Variants in PIK3R3 observed in about 807,000 individuals in gnomAD.
PIK3R3 encodes phosphoinositide-3-kinase regulatory subunit 3.
A neutral mutation model predicts 62.9 loss-of-function variants in PIK3R3; 64 were observed. The ratio of observed to expected loss-of-function variants is 1.02; its 90% CI spans 0.83 to 1.25. The LOEUF (loss-of-function observed/expected upper bound fraction) is 1.25, where lower values mean the gene tolerates loss of function less well. Among genes scored for constraint, PIK3R3 ranks in the 50% most tolerant of loss-of-function variants. The pLI is 0.00. For synonymous variants in PIK3R3, 165 were observed against 189.0 expected (o/e 0.87, Z 1.04); for missense variants, 614 against 561.6 (o/e 1.09, Z -0.94).
chr1:46,072,554 T>C (rs144882632), intron 3 of PIK3R3, among the ~76,000 whole-genome samples: 1 of 152,376 alleles, frequency 6.6e-6, no homozygotes, highest in East Asian at 1.9e-4. Context: ...AGTATATACA[T>C]ATAGCAGACT....
chr1:46,138,899 C>A, the PIK3R3 span: 2 of 152,220 alleles, frequency 1.3e-5, no homozygotes, highest in Non-Finnish European at 2.9e-5. Context: ...GCTCATCTTA[C>A]ACTTCTTGGA....
chr1:46,141,156 G>A, the PIK3R3 span, among the ~76,000 whole-genome samples: 1 of 147,428 alleles, frequency 6.8e-6, no homozygotes, highest in South Asian at 2.2e-4. Context: ...CACTGCACCT[G>A]GCCGATTTCT....
intron 1 of PIK3R3, among the ~76,000 whole-genome samples, chr1:46,096,944 AG>A (rs1229238841): frequency 6.6e-6 from 1 of 151,658 alleles, no homozygotes; most frequent in Non-Finnish European, 1.5e-5. Context: ...TCATTCTGTG[AG>A]GCCAGTCTTC....
the PIK3R3 span, among the ~76,000 whole-genome samples, chr1:46,161,820 C>T: frequency 3.3e-5 from 5 of 152,270 alleles, no homozygotes; most frequent in East Asian, 3.9e-4. Context: ...AGGCCAGGCA[C>T]GGTGGCTCAA....
chr1:46,139,994 T>C, the PIK3R3 span, among the ~76,000 whole-genome samples: 2 of 152,084 alleles, frequency 1.3e-5, no homozygotes, highest in East Asian at 1.9e-4. Flanking sequence ...TGAAATTTTT[T>C]TGAGGGACAA....
At chr1:46,156,857 A>G in the PIK3R3 span, among the ~76,000 whole-genome samples, 1 of 152,104 alleles carries the variant, frequency 6.6e-6, no homozygotes, top group Non-Finnish European at 1.5e-5. Context: ...ACTTGGACAA[A>G]CTGTCAGTTA....
chr1:46,123,197 C>G (rs1312395817), intron 1 of PIK3R3, among the ~76,000 whole-genome samples: 1 of 152,066 alleles, frequency 6.6e-6, no homozygotes, highest in Non-Finnish European at 1.5e-5. Flanking sequence ...GATTCCAAGT[C>G]AAAATAACAG....
At chr1:46,134,831 C>G (rs1474483446), upstream of PIK3R3, among the ~76,000 whole-genome samples, 2 of 152,154 alleles carry the variant, frequency 1.3e-5, no homozygotes, top group East Asian at 3.8e-4. Flanking sequence ...AGAGCAATCA[C>G]CCAGGCTTTT....
At chr1:46,106,768 T>C (rs562754909) in intron 1 of PIK3R3, among the ~76,000 whole-genome samples, 30 of 152,248 alleles carry the variant, frequency 2.0e-4, no homozygotes, top group Admixed American at 7.2e-4. Flanking sequence ...CACAGATTGA[T>C]TGCCTTAGTC....
At chr1:46,117,636 AC>A (rs796782820) in intron 1 of PIK3R3, among the ~76,000 whole-genome samples, 32 of 152,260 alleles carry the variant, frequency 2.1e-4, no homozygotes, top group African/African-American at 7.0e-4. Context: ...AGTCCCAGCT[AC>A]TCGGGAGGCT....
chr1:46,092,511 G>A (rs890866166), intron 1 of PIK3R3, among the ~76,000 whole-genome samples: 3 of 152,008 alleles, frequency 2.0e-5, no homozygotes, highest in South Asian at 4.2e-4. Context: ...CTACAGGCAC[G>A]TGCCACCACG....
At chr1:46,157,026 G>A in the PIK3R3 span, among the ~76,000 whole-genome samples, 1 of 152,224 alleles carries the variant, frequency 6.6e-6, no homozygotes, top group African/African-American at 2.4e-5. Flanking sequence ...CACAGGAAGT[G>A]ATGGAACAGT....
chr1:46,120,547 T>C (rs1275626228), intron 1 of PIK3R3, among the ~76,000 whole-genome samples: 1 of 152,150 alleles, frequency 6.6e-6, no homozygotes, highest in Non-Finnish European at 1.5e-5. Context: ...CATTCCAGCC[T>C]GGCGACAGAG....
chr1:46,073,004 C>T (rs1649690935), intron 3 of PIK3R3, among the ~76,000 whole-genome samples: 2 of 151,308 alleles, frequency 1.3e-5, no homozygotes, highest in East Asian at 3.9e-4. Flanking sequence ...TAATGCTTAC[C>T]CAGTATCAGG....
At chr1:46,101,827 A>G (rs1652706944) in intron 1 of PIK3R3, among the ~76,000 whole-genome samples, 2 of 152,232 alleles carry the variant, frequency 1.3e-5, no homozygotes, top group Admixed American at 6.5e-5. Context: ...TAGAGTTTCT[A>G]TATGGAAGAT....
the PIK3R3 span, among the ~76,000 whole-genome samples, chr1:46,173,298 C>T: frequency 1.1e-4 from 17 of 152,284 alleles, no homozygotes; most frequent in African/African-American, 3.9e-4. Flanking sequence ...GACCTCCTCA[C>T]GATTTAATGA....
At chr1:46,083,816 T>C (rs911109277) in intron 1 of PIK3R3, among the ~76,000 whole-genome samples, 5 of 152,196 alleles carry the variant, frequency 3.3e-5, no homozygotes, top group African/African-American at 1.2e-4. Flanking sequence ...ATTGGAATAC[T>C]CATAGACTGC....
At chr1:46,169,076 C>T in the PIK3R3 span, among the ~76,000 whole-genome samples, 1 of 152,198 alleles carries the variant, frequency 6.6e-6, no homozygotes, top group Non-Finnish European at 1.5e-5. Flanking sequence ...ACGAATGGAA[C>T]TCACTGCCTC....
chr1:46,149,450 C>A, the PIK3R3 span, among the ~76,000 whole-genome samples: 1 of 150,842 alleles, frequency 6.6e-6, no homozygotes, highest in East Asian at 1.9e-4. Flanking sequence ...AAAAGACACT[C>A]CCAGCAGTGC....
Sources: gnomAD v4.1 joint callset for allele counts (sites outside exome capture counted in the v4.1 genomes callset) on GRCh38, gnomAD v4.1.1 for gene constraint, MANE v1.5 for transcripts, NCBI Gene and HGNC (gene_info 2026-07-23, HGNC 2026-07-21) for gene names.